CCDC91: variants seen among roughly 807,000 people sequenced by gnomAD.
CCDC91 encodes the protein coiled-coil domain-containing protein 91.
CCDC91 carries 48 observed loss-of-function variants against 63.2 expected under a neutral mutation model. The observed-to-expected ratio is 0.76, with a 90% CI of 0.60 to 0.97. The LOEUF is 0.97. CCDC91 is among the 50% of genes least tolerant of loss of function. CCDC91 has a pLI of 0.00. For missense variants in CCDC91, 500 were observed against 494.6 expected (o/e 1.01, Z -0.10); for synonymous variants, 167 against 165.8 (o/e 1.01, Z -0.06).
intron 1 of CCDC91, among the ~76,000 whole-genome samples, chr12:28,222,618 G>T (rs894541781): frequency 6.6e-5 from 10 of 152,176 alleles, no homozygotes; most frequent in Non-Finnish European, 1.2e-4. Context: ...TTTTACCATA[G>T]AATGAATTTT....
intron 7 of CCDC91, among the ~76,000 whole-genome samples, chr12:28,384,832 TG>T (rs1205305706): frequency 1.3e-5 from 2 of 152,160 alleles, no homozygotes; most frequent in Non-Finnish European, 2.9e-5. Flanking sequence ...GAAAAATAGA[TG>T]AATGATTCTG....
At chr12:28,341,163 G>A (rs1365329753) in intron 6 of CCDC91, among the ~76,000 whole-genome samples, 1 of 152,148 alleles carries the variant, frequency 6.6e-6, no homozygotes, top group Non-Finnish European at 1.5e-5. Context: ...ATCTTCTTCT[G>A]CTGATGTGCT....
intron 6 of CCDC91, among the ~76,000 whole-genome samples, chr12:28,325,773 T>C (rs1940934336): frequency 6.6e-6 from 1 of 151,282 alleles, no homozygotes; most frequent in Admixed American, 6.6e-5. Context: ...TAATGGGAGG[T>C]GAAGTTATTT....
intron 11 of CCDC91, among the ~76,000 whole-genome samples, chr12:28,465,597 A>C (rs1025383961): frequency 1.3e-5 from 2 of 152,214 alleles, no homozygotes; most frequent in Admixed American, 1.3e-4. Context: ...ATGAGTCTAC[A>C]AGAACCACAG....
intron 6 of CCDC91, among the ~76,000 whole-genome samples, chr12:28,354,548 T>C (rs1369504567): frequency 6.6e-6 from 1 of 152,192 alleles, no homozygotes; most frequent in Non-Finnish European, 1.5e-5. Flanking sequence ...CCACTTTTAG[T>C]ATATTTAAAT....
At chr12:28,330,934 A>G (rs1457580130) in intron 6 of CCDC91, among the ~76,000 whole-genome samples, 4 of 152,228 alleles carry the variant, frequency 2.6e-5, no homozygotes, top group Non-Finnish European at 4.4e-5. Context: ...GAGAAAGCCT[A>G]TTGAGAAGAG....
chr12:28,475,195 C>G (rs537833059), intron 11 of CCDC91, among the ~76,000 whole-genome samples: 1 of 152,162 alleles, frequency 6.6e-6, no homozygotes, highest in Non-Finnish European at 1.5e-5. Context: ...TTTTATCTGA[C>G]TTGGAAGTCA....
At chr12:28,304,747 G>A in intron 3 of CCDC91, 1 of 794,492 alleles carries the variant, frequency 1.3e-6, no homozygotes, top group South Asian at 1.6e-5. Flanking sequence ...TGTATAAATG[G>A]GCTGCACCAA....
At chr12:28,436,776 CATACT>C (rs923535288) in intron 8 of CCDC91, among the ~76,000 whole-genome samples, 19 of 151,836 alleles carry the variant, frequency 1.3e-4, no homozygotes, top group African/African-American at 4.1e-4. Flanking sequence ...ATTATTATCT[CATACT>C]ATGTATCTCA....
intron 7 of CCDC91, among the ~76,000 whole-genome samples, chr12:28,368,617 C>T (rs1442738210): frequency 6.6e-6 from 1 of 152,088 alleles, no homozygotes; most frequent in African/African-American, 2.4e-5. Flanking sequence ...TTACTTCATG[C>T]ATTTTTTGGA....
intron 3 of CCDC91, among the ~76,000 whole-genome samples, chr12:28,280,015 A>C (rs1948500338): frequency 6.6e-6 from 1 of 152,080 alleles, no homozygotes; most frequent in South Asian, 2.1e-4. Flanking sequence ...TGAGAATATA[A>C]ACAGAGGAAA....
intron 6 of CCDC91, among the ~76,000 whole-genome samples, chr12:28,329,105 A>T (rs1374098460): frequency 1.3e-5 from 2 of 152,184 alleles, no homozygotes; most frequent in Non-Finnish European, 2.9e-5. Context: ...AAAATAAAGA[A>T]GTCTTCCTGA....
intron 8 of CCDC91, among the ~76,000 whole-genome samples, chr12:28,398,833 T>A (rs1946446923): frequency 6.6e-6 from 1 of 152,236 alleles, no homozygotes; most frequent in Non-Finnish European, 1.5e-5. Context: ...TTTGCTTATT[T>A]TATTATGTTG....
intron 6 of CCDC91, among the ~76,000 whole-genome samples, chr12:28,356,747 A>G (rs1343075153): frequency 2.0e-5 from 3 of 152,182 alleles, no homozygotes; most frequent in Non-Finnish European, 2.9e-5. Context: ...ATTATGTTCT[A>G]TATTGGAAAA....
At chr12:28,385,715 T>C (rs1001160768) in intron 7 of CCDC91, among the ~76,000 whole-genome samples, 6 of 152,168 alleles carry the variant, frequency 3.9e-5, no homozygotes, top group African/African-American at 1.4e-4. Flanking sequence ...ACACATCTGC[T>C]CTGCAAATCT....
intron 8 of CCDC91, among the ~76,000 whole-genome samples, chr12:28,392,359 C>G (rs1243107864): frequency 6.6e-6 from 1 of 152,152 alleles, no homozygotes; most frequent in African/African-American, 2.4e-5. Flanking sequence ...TTTACTCATG[C>G]TACATACTCA....
At chr12:28,232,950 G>A (rs2135840602) in intron 1 of CCDC91, among the ~76,000 whole-genome samples, 1 of 146,190 alleles carries the variant, frequency 6.8e-6, no homozygotes, top group African/African-American at 2.5e-5. Flanking sequence ...TCCAGCCTGG[G>A]CAACAGAGCA....
chr12:28,197,368 A>G (rs1325476236), intron 1 of CCDC91, among the ~76,000 whole-genome samples: 1 of 152,146 alleles, frequency 6.6e-6, no homozygotes, highest in Non-Finnish European at 1.5e-5. Flanking sequence ...TCTATACAGA[A>G]TTACTGATGA....
At chr12:28,381,767 A>T (rs993416795) in intron 7 of CCDC91, among the ~76,000 whole-genome samples, 1 of 152,110 alleles carries the variant, frequency 6.6e-6, no homozygotes, top group African/African-American at 2.4e-5. Context: ...AGCAAGCACT[A>T]CTTGGTGCCA....
Sources: allele counts gnomAD v4.1 joint callset (sites outside exome capture counted in the v4.1 genomes callset), GRCh38; gene constraint gnomAD v4.1.1; transcripts MANE v1.5; gene names NCBI Gene and HGNC (gene_info 2026-07-23, HGNC 2026-07-21).